Variants in TENM4 observed in about 807,000 individuals in gnomAD.
The protein encoded by TENM4 is teneurin-4.
In TENM4, 82 loss-of-function variants were observed where a neutral mutation model predicts 243.3. That is an observed-to-expected ratio of 0.34 (90% confidence interval 0.28 to 0.40). The LOEUF is 0.40. Ranked by LOEUF, TENM4 falls within the 10% of genes least tolerant of loss-of-function variation. The pLI, the probability that TENM4 is intolerant of heterozygous loss-of-function variation, is 1.00. For synonymous variants in TENM4, 1,412 were observed against 1,456.3 expected (o/e 0.97, Z 0.69); for missense variants, 3,138 against 3,673.3 (o/e 0.85, Z 3.77).
chr11:79,067,158 C>G (rs1331391474), intron 5 of TENM4, among the ~76,000 whole-genome samples: 1 of 152,224 alleles, frequency 6.6e-6, no homozygotes, highest in Non-Finnish European at 1.5e-5. Flanking sequence ...GGGCTCTGCT[C>G]AGTGGCCAGG....
chr11:79,413,490 A>C (rs1236804659), intron 1 of TENM4, among the ~76,000 whole-genome samples: 1 of 152,222 alleles, frequency 6.6e-6, no homozygotes, highest in Non-Finnish European at 1.5e-5. Context: ...GTCAGCAGAC[A>C]TGAGAGAGAA....
At chr11:79,181,372 C>T (rs1863278817) in intron 3 of TENM4, among the ~76,000 whole-genome samples, 1 of 152,086 alleles carries the variant, frequency 6.6e-6, no homozygotes, top group Admixed American at 6.5e-5. Context: ...GCAGAAAAAG[C>T]ATTTGACAAA....
chr11:79,165,996 A>T (rs1862905308), intron 3 of TENM4, among the ~76,000 whole-genome samples: 1 of 152,150 alleles, frequency 6.6e-6, no homozygotes, highest in African/African-American at 2.4e-5. Flanking sequence ...CCATTGGTCT[A>T]TATGAGGCCT....
chr11:79,031,868 G>A (rs1042981175), intron 6 of TENM4, among the ~76,000 whole-genome samples: 7 of 152,202 alleles, frequency 4.6e-5, no homozygotes. Flanking sequence ...ATTTTGGACT[G>A]CCACAACTTG....
chr11:78,671,439 G>T (rs996817845), intron 31 of TENM4, among the ~76,000 whole-genome samples: 14 of 152,202 alleles, frequency 9.2e-5, no homozygotes, highest in African/African-American at 3.4e-4. Context: ...TTGAAATGGG[G>T]CATGCAGTGC....
intron 6 of TENM4, among the ~76,000 whole-genome samples, chr11:78,988,829 C>T (rs1857977324): frequency 6.6e-6 from 1 of 152,190 alleles, no homozygotes; most frequent in Non-Finnish European, 1.5e-5. Flanking sequence ...CATGTGCCAC[C>T]ATACCCGGCT....
intron 18 of TENM4, among the ~76,000 whole-genome samples, chr11:78,763,415 G>A (rs1314792574): frequency 6.6e-6 from 1 of 152,182 alleles, no homozygotes; most frequent in Non-Finnish European, 1.5e-5. Flanking sequence ...GCATCTGGGG[G>A]CACTCAATGA....
At chr11:78,778,047 T>C (rs1856770489) in intron 17 of TENM4, among the ~76,000 whole-genome samples, 1 of 152,214 alleles carries the variant, frequency 6.6e-6, no homozygotes, top group South Asian at 2.1e-4. Flanking sequence ...ACAGACCATC[T>C]GCTCCCTGAG....
At chr11:79,377,675 A>G (rs978602967) in intron 1 of TENM4, among the ~76,000 whole-genome samples, 1 of 152,134 alleles carries the variant, frequency 6.6e-6, no homozygotes, top group Non-Finnish European at 1.5e-5. Flanking sequence ...CCTAGTGCTC[A>G]CTATGTGCCA....
intron 6 of TENM4, among the ~76,000 whole-genome samples, chr11:78,961,674 A>G (rs1043251025): frequency 2.0e-5 from 3 of 152,082 alleles, no homozygotes; most frequent in Admixed American, 2.0e-4. Flanking sequence ...CAGTTTTTCC[A>G]GTGAAAATGG....
chr11:78,918,711 T>C (rs76467025), intron 6 of TENM4, among the ~76,000 whole-genome samples: 184 of 152,176 alleles, frequency 1.2e-3, no homozygotes, highest in Non-Finnish European at 1.8e-3. Context: ...CTGAAGCAAA[T>C]TGGGATTCGG....
rs1555029524 is a variant in TENM4 at position 79,218,234 on chromosome 11, A to ACCCC, written c.-264-2326_-264-2325insGGGG. 7.1e-3 allele frequency among the ~76,000 whole-genome samples: 684 copies of ACCCC among 96,448 alleles called. 12 individuals are homozygous for ACCCC. In the East Asian group the frequency reaches 0.1, roughly 14 times the overall value. The allele number at this position is 96,448 out of a possible 152,430, so 63.3% of individuals were successfully genotyped here. A position where few individuals can be genotyped will look rare whatever the true frequency, so the allele number is the denominator to read the frequency against. The stretch of plus-strand genomic sequence containing the variant: ...TTCATTAGAAGTTTACCCCCTGCCC[A>ACCCC]CCCACCCCCGACACACACAACCCCA... On this transcript the variant is annotated intron_variant, in intron 2 of 33. Coordinates refer to ENST00000278550, the MANE Select transcript of TENM4 (RefSeq NM_001098816.3).
intron 15 of TENM4, among the ~76,000 whole-genome samples, chr11:78,797,786 T>G (rs1388417365): frequency 2.0e-5 from 3 of 152,222 alleles, no homozygotes; most frequent in Non-Finnish European, 4.4e-5. Context: ...AACTTTGATT[T>G]CAGGCTATCA....
chr11:79,247,705 T>G (rs1343420210), intron 2 of TENM4, among the ~76,000 whole-genome samples: 2 of 152,218 alleles, frequency 1.3e-5, no homozygotes, highest in African/African-American at 4.8e-5. Flanking sequence ...AACTGGCATT[T>G]TACCCATGTC....
chr11:79,119,250 C>A (rs1303564151), intron 4 of TENM4, among the ~76,000 whole-genome samples: 1 of 152,040 alleles, frequency 6.6e-6, no homozygotes, highest in Non-Finnish European at 1.5e-5. Context: ...AGGGATGGGG[C>A]CTAGTAGTCT....
At chr11:79,215,150 C>G (rs658671) in intron 3 of TENM4, among the ~76,000 whole-genome samples, 49,380 of 152,070 alleles carry the variant, frequency 0.32, 9,701 homozygotes, top group Middle Eastern at 0.47. Context: ...TTTTCACTTA[C>G]AATTTCACTC....
At chr11:79,355,664 T>A (rs1434939487) in intron 1 of TENM4, among the ~76,000 whole-genome samples, 1 of 111,810 alleles carries the variant, frequency 8.9e-6, no homozygotes, top group Non-Finnish European at 2.0e-5. Context: ...TCCCTCAAAT[T>A]CCTTTTCAGA....
chr11:79,260,923 A>G (rs927342062), intron 2 of TENM4, among the ~76,000 whole-genome samples: 3 of 152,234 alleles, frequency 2.0e-5, no homozygotes, highest in Non-Finnish European at 2.9e-5. Context: ...CTGGGCTATG[A>G]AAACGATGTT....
At chr11:79,113,683 C>A (rs1008906962) in intron 4 of TENM4, among the ~76,000 whole-genome samples, 2 of 152,106 alleles carry the variant, frequency 1.3e-5, no homozygotes, top group African/African-American at 4.8e-5. Flanking sequence ...AATGGCAATT[C>A]TCAATCCTGA....
Sources: gnomAD v4.1 joint callset for allele counts (sites outside exome capture counted in the v4.1 genomes callset) on GRCh38, gnomAD v4.1.1 for gene constraint, MANE v1.5 for transcripts, NCBI Gene and HGNC (gene_info 2026-07-23, HGNC 2026-07-21) for gene names.